Variants in CCAR1 observed in about 807,000 individuals in gnomAD.
CCAR1 encodes cell division cycle and apoptosis regulator protein 1.
Under a neutral mutation model 163.8 loss-of-function variants are expected in CCAR1, and 78 were observed. The observed-to-expected ratio is 0.48, with a 90% CI of 0.40 to 0.57. The LOEUF (loss-of-function observed/expected upper bound fraction) is 0.57. Among genes scored for constraint, CCAR1 ranks in the 20% least tolerant of loss-of-function variants. The probability of loss-of-function intolerance (pLI) is 0.00; values close to 1 mark genes in which losing one functional copy is unlikely to be tolerated. For missense variants in CCAR1, 1,019 were observed against 1,365.2 expected (o/e 0.75, Z 4.00); for synonymous variants, 443 against 460.7 (o/e 0.96, Z 0.49).
intron 1 of CCAR1, chr10:68,721,658 T>G (rs1277654485): frequency 4.7e-6 from 2 of 425,022 alleles, no homozygotes; most frequent in African/African-American, 4.3e-5. Flanking sequence ...AATAGAGGCT[T>G]TCTCCGTGCG....
intron 2 of CCAR1, among the ~76,000 whole-genome samples, chr10:68,731,599 T>TG (rs2056039840): frequency 6.9e-6 from 1 of 145,036 alleles, no homozygotes; most frequent in East Asian, 2.0e-4. Flanking sequence ...CTGTTTTTTT[T>TG]TTTTTTTTTT....
Position 68,786,251 on chromosome 10 carries a change from G to T in CCAR1, c.2733+33G>T. ...TTGAATACTGTATTCTTTATAATAT[G>T]GTGATATCTTACATCATCTAAACAT... On this transcript the variant is annotated intron_variant, in intron 20 of 24. Coordinates refer to ENST00000265872, the MANE Select transcript of CCAR1 (RefSeq NM_018237.4). The T allele has an allele frequency of 2.9e-6, 4 of 1,375,540 alleles. No homozygotes were observed. In the African/African-American group the frequency reaches 4.3e-5, roughly 15 times the overall value. The allele number at this position is 1,375,540 out of a possible 1,614,324, so 85.2% of individuals were successfully genotyped here.
intron 18 of CCAR1, among the ~76,000 whole-genome samples, chr10:68,771,805 G>C (rs567635742): frequency 2.6e-5 from 4 of 151,910 alleles, no homozygotes; most frequent in East Asian, 1.9e-4. Context: ...AAGAAATTCA[G>C]ATCTTCAAAT....
At chr10:68,753,448 T>C (rs2056360587) in intron 10 of CCAR1, among the ~76,000 whole-genome samples, 1 of 152,196 alleles carries the variant, frequency 6.6e-6, no homozygotes, top group African/African-American at 2.4e-5. Context: ...CTCAAAAACC[T>C]GATTGAGGGG....
intron 19 of CCAR1, among the ~76,000 whole-genome samples, chr10:68,775,687 CTTTTTTTTTTTTT>C (rs71028782): frequency 5.8e-5 from 3 of 51,750 alleles, no homozygotes; most frequent in South Asian, 9.6e-4. Context: ...TTTTTCTTTT[CTTTTTTTTTTTTT>C]TTTTTTTTTT....
intron 24 of CCAR1, among the ~76,000 whole-genome samples, chr10:68,790,682 G>A (rs2133444058): frequency 6.6e-6 from 1 of 152,032 alleles, no homozygotes; most frequent in African/African-American, 2.4e-5. Context: ...GTGTGCTCCA[G>A]CACACCCAGC....
rs1475721818 is a variant in CCAR1, at chr10:68,788,282, A to C, written c.3141A>C (p.Val1047=). ...AAAAATTGGAAAAGAGCGAAAAAGT[A>C]AGAGCTGAGGTAGAACAGAAGCTGC... The part of the protein sequence containing the change: ...LLQKLEKSEK[V]RAEVEQKLQL... Residue 1047 remains valine (V), a synonymous_variant, in exon 23 of 25, where the codon GTA becomes GTC. Transcript: ENST00000265872. 1.3e-6 allele frequency: 2 copies of C among 1,598,372 alleles called. No individual in the cohort carries two copies. Among genetic ancestry groups the C allele is most frequent in the African/African-American group, 2.7e-5 (2 of 74,032 alleles).
At position 68,724,308 on chromosome 10, in the gene CCAR1, A is replaced by G. The variant is rs2055908357; in HGVS notation, c.73+1731A>G. ...GTGAAATCCTATGTCTACCTAAAAA[A>G]TATAAAAGTTAGCTTGGCGTGTTTG... On this transcript the variant is annotated intron_variant, in intron 2 of 24. Coordinates refer to ENST00000265872, the MANE Select transcript of CCAR1 (RefSeq NM_018237.4). Among the ~76,000 whole-genome samples the G allele has an allele frequency of 2.0e-5, 3 of 152,096 alleles. 1 individual carries two copies. Among genetic ancestry groups the G allele is most frequent in the South Asian group, 4.1e-4 (2 of 4,820 alleles).
At position 68,789,691 on chromosome 10, in the gene CCAR1, T is replaced by A. The variant is rs766839296; in HGVS notation, c.3188-19T>A. 7.0e-7 allele frequency: 1 copy of A among 1,438,506 alleles called. No homozygotes were observed. The highest frequency in any genetic ancestry group is 2.3e-5 in the Admixed American group (1 of 43,554). 89.1% of individuals were successfully genotyped at this position (1,438,506 alleles called of 1,614,324 possible). A position where few individuals can be genotyped will look rare whatever the true frequency, so the allele number is the denominator to read the frequency against. On this transcript the variant is annotated intron_variant, in intron 23 of 24. Transcript: ENST00000265872. ...AATTTTAGGAAGTAAAATGTTAATT[T>A]TTGGATTTTTTTAAACAGATGAAGA...
chr10:68,730,010 C>G (rs921370307), intron 2 of CCAR1, among the ~76,000 whole-genome samples: 2 of 151,924 alleles, frequency 1.3e-5, no homozygotes, highest in Non-Finnish European at 2.9e-5. Context: ...ACCTCCGCCT[C>G]CCGTGTTCAA....
At chr10:68,733,665 TTTTA>T (rs1395313106) in intron 2 of CCAR1, among the ~76,000 whole-genome samples, 3 of 151,934 alleles carry the variant, frequency 2.0e-5, no homozygotes, top group Non-Finnish European at 4.4e-5. Flanking sequence ...TTAAAATTTA[TTTTA>T]TTTATTTTTT....
At chr10:68,722,047 G>C (rs1433225394) in intron 1 of CCAR1, among the ~76,000 whole-genome samples, 1 of 152,106 alleles carries the variant, frequency 6.6e-6, no homozygotes, top group Non-Finnish European at 1.5e-5. Flanking sequence ...ATCCGTTATT[G>C]GTTTTAACAT....
chr10:68,733,148 A>G (rs1469433930), intron 2 of CCAR1, among the ~76,000 whole-genome samples: 2 of 152,092 alleles, frequency 1.3e-5, no homozygotes, highest in Non-Finnish European at 2.9e-5. Context: ...AGTGGCTCAT[A>G]CCTATAATCC....
At chr10:68,743,355 G>A (rs1284221518) in intron 6 of CCAR1, among the ~76,000 whole-genome samples, 11 of 151,246 alleles carry the variant, frequency 7.3e-5, no homozygotes, top group Non-Finnish European at 1.5e-5. Flanking sequence ...TAGTAGAGAC[G>A]GCCTTTCACT....
chr10:68,789,152 G>A (rs1346828796), intron 23 of CCAR1, among the ~76,000 whole-genome samples: 4 of 150,904 alleles, frequency 2.7e-5, no homozygotes, highest in South Asian at 2.1e-4. Flanking sequence ...CTCGTGATCC[G>A]CCCACCTCAG....
chr10:68,739,782 T>C (rs2497096), intron 4 of CCAR1, among the ~76,000 whole-genome samples: 102,885 of 152,032 alleles, frequency 0.68, 35,231 homozygotes, highest in Non-Finnish European at 0.73. Flanking sequence ...TACTCAACTG[T>C]TCTTAACTTA....
intron 2 of CCAR1, among the ~76,000 whole-genome samples, chr10:68,723,940 C>T (rs1010047243): frequency 5.3e-5 from 8 of 151,960 alleles, no homozygotes; most frequent in African/African-American, 1.9e-4. Flanking sequence ...GGGTGGATCA[C>T]CTGAAGTCAG....
chr10:68,736,979 A>G lies in CCAR1; in HGVS notation c.177A>G (p.Ala59=), dbSNP rs1250177047. 4 of 1,614,002 alleles carry G rather than the reference A, an allele frequency of 2.5e-6. No homozygotes were observed. In the African/African-American group the frequency reaches 5.3e-5, roughly 22 times the overall value. Reference sequence around the variant, plus strand: ...CAGGCCTTACCACACAAACTCCAGCAAACTATCAGTTAACACAAACTGCTG... The same window carrying G: ...CAGGCCTTACCACACAAACTCCAGCGAACTATCAGTTAACACAAACTGCTG... ...AAAGLTTQTP[A]NYQLTQTAAL... is the part of the protein sequence containing the mutation. Residue 59 remains alanine, a synonymous_variant, in exon 3 of 25, where the codon GCA becomes GCG. Coordinates refer to ENST00000265872, the MANE Select transcript of CCAR1 (RefSeq NM_018237.4).
At chr10:68,790,576 G>A (rs2056841633) in intron 24 of CCAR1, among the ~76,000 whole-genome samples, 1 of 151,948 alleles carries the variant, frequency 6.6e-6, no homozygotes. Flanking sequence ...TGCCCAGGCT[G>A]GTTTGTTAGT....
Sources: allele counts gnomAD v4.1 joint callset (sites outside exome capture counted in the v4.1 genomes callset), GRCh38; gene constraint gnomAD v4.1.1; transcripts MANE v1.5; gene names NCBI Gene and HGNC (gene_info 2026-07-23, HGNC 2026-07-21).